IGF1R: variants seen among roughly 807,000 people sequenced by gnomAD.
IGF1R encodes the protein insulin-like growth factor 1 receptor.
Under a neutral mutation model 144.6 loss-of-function variants are expected in IGF1R, and 44 were observed. That is an observed-to-expected ratio of 0.30 (90% CI 0.24 to 0.39). The LOEUF is 0.39. Ranked by LOEUF, IGF1R falls within the 10% of genes least tolerant of loss-of-function variation. IGF1R has a pLI of 1.00. For synonymous variants in IGF1R, 795 were observed against 722.8 expected, an observed-to-expected ratio of 1.10 and a Z score of -1.60; for missense variants, 1,355 against 1,833.7, an observed-to-expected ratio of 0.74 and a Z score of 4.77.
intron 2 of IGF1R, among the ~76,000 whole-genome samples, chr15:98,776,599 C>G (rs1157388198): frequency 6.6e-6 from 1 of 152,182 alleles, no homozygotes; most frequent in Non-Finnish European, 1.5e-5. Context: ...CCCCTACCTC[C>G]CTGTTGAGCC....
chr15:98,909,490 C>T (rs2014904887), intron 6 of IGF1R, among the ~76,000 whole-genome samples: 1 of 152,050 alleles, frequency 6.6e-6, no homozygotes, highest in African/African-American at 2.4e-5. Flanking sequence ...AACTCCTGAC[C>T]TCAAATGATC....
rs1371490898 is a variant in IGF1R at position 98,704,979 on chromosome 15, T to A, written c.95-2583T>A. ...CTCAGAGAATGAGAGTGCTGCAGTT[T>A]ACAAGCTTGGAAGGTGGATTATGTG... is the stretch of plus-strand genomic sequence containing the variant. On this transcript the variant is annotated intron_variant, in intron 1 of 20. Coordinates refer to ENST00000650285, the MANE Select transcript of IGF1R (RefSeq NM_000875.5). The surrounding 1 kb of genome is among the most constrained non-coding windows in gnomAD (Gnocchi z 4.9). 6.6e-6 allele frequency among the ~76,000 whole-genome samples: 1 copy of A among 152,172 alleles called. No individual in the cohort carries two copies. Among genetic ancestry groups the A allele is most frequent in the South Asian group, 2.1e-4 (1 of 4,828 alleles).
rs45561034 is a variant in IGF1R, at chr15:98,957,470, G to A, written c.*28G>A. The stretch of plus-strand genomic sequence containing the variant: ...CTTGGATCCTGAATCTGTGCAAACA[G>A]TAACGTGTGCGCACGCGCAGCGGGG... On this transcript the variant is annotated 3_prime_UTR_variant, in exon 21 of 21. Coordinates refer to ENST00000650285, the MANE Select transcript of IGF1R (RefSeq NM_000875.5). 4.8e-5 allele frequency: 77 copies of A among 1,612,132 alleles called. 1 individual carries two copies. In the South Asian group the frequency reaches 8.2e-4, roughly 17 times the overall value.
chr15:98,803,638 C>T (rs937231822), intron 2 of IGF1R, among the ~76,000 whole-genome samples: 25 of 151,878 alleles, frequency 1.6e-4, no homozygotes, highest in African/African-American at 5.6e-4. Context: ...CCTGAGTAGC[C>T]GGGACTAGAC....
At chr15:98,801,614 C>T (rs1211442317) in intron 2 of IGF1R, among the ~76,000 whole-genome samples, 4 of 152,230 alleles carry the variant, frequency 2.6e-5, no homozygotes, top group African/African-American at 7.2e-5. Context: ...ACAATGATTT[C>T]CCCAAATTGG....
At chr15:98,867,169 G>C (rs1487237811) in intron 2 of IGF1R, among the ~76,000 whole-genome samples, 1 of 151,896 alleles carries the variant, frequency 6.6e-6, no homozygotes. Context: ...GAGAGAGAGA[G>C]AGAGAGAGAG....
chr15:98,763,199 A>AG (rs2055350886), intron 2 of IGF1R, among the ~76,000 whole-genome samples: 2 of 152,234 alleles, frequency 1.3e-5, no homozygotes, highest in Non-Finnish European at 2.9e-5. Flanking sequence ...TGTAAATGCC[A>AG]TTTTGATAAG....
chr15:98,848,121 T>C (rs1366984529), intron 2 of IGF1R, among the ~76,000 whole-genome samples: 1 of 152,218 alleles, frequency 6.6e-6, no homozygotes, highest in Non-Finnish European at 1.5e-5. Flanking sequence ...GCAAGTCCTT[T>C]CTGAAAGAGG....
intron 1 of IGF1R, among the ~76,000 whole-genome samples, chr15:98,706,134 T>TC (rs1330364560): frequency 6.6e-6 from 1 of 152,246 alleles, no homozygotes; most frequent in Non-Finnish European, 1.5e-5. Flanking sequence ...TGCACACCAC[T>TC]GACCACCTGC....
intron 1 of IGF1R, among the ~76,000 whole-genome samples, chr15:98,670,853 G>C (rs2052871053): frequency 1.3e-5 from 2 of 151,852 alleles, no homozygotes; most frequent in South Asian, 4.2e-4. Flanking sequence ...TTTTAAACCT[G>C]TCATCTCACA....
In IGF1R at chr15:98,733,315, G is replaced by A. The variant is rs142533399; in HGVS notation, c.640+25208G>A. 1.3e-3 allele frequency among the ~76,000 whole-genome samples: 195 copies of A among 152,094 alleles called. 1 individual carries two copies. Among genetic ancestry groups the A allele is most frequent in the African/African-American group, 3.9e-3 (160 of 41,488 alleles). ...TTGCAGCCTCAGCCTCCTGCCTCTGGGCTCAAGTGATCCTTCTGCCTCAGC... is the reference window on the plus strand; with the variant it reads ...TTGCAGCCTCAGCCTCCTGCCTCTGAGCTCAAGTGATCCTTCTGCCTCAGC... On this transcript the variant is annotated intron_variant, in intron 2 of 20. Coordinates refer to ENST00000650285, the MANE Select transcript of IGF1R (RefSeq NM_000875.5).
chr15:98,780,126 C>G (rs542565925), intron 2 of IGF1R, among the ~76,000 whole-genome samples: 1 of 149,818 alleles, frequency 6.7e-6, no homozygotes, highest in Middle Eastern at 3.4e-3. Flanking sequence ...AACAAACATT[C>G]GCATTTATTG....
intron 5 of IGF1R, among the ~76,000 whole-genome samples, chr15:98,905,365 ATAAG>A (rs1340530285): frequency 6.6e-6 from 1 of 152,174 alleles, no homozygotes; most frequent in Non-Finnish European, 1.5e-5. Context: ...CTAAAGAAAA[ATAAG>A]TAACTGGTCA....
intron 2 of IGF1R, among the ~76,000 whole-genome samples, chr15:98,841,102 C>T (rs1019624686): frequency 6.6e-6 from 1 of 152,168 alleles, no homozygotes; most frequent in Non-Finnish European, 1.5e-5. Flanking sequence ...TGTTGAAAAA[C>T]AATCTTACTG....
chr15:98,935,879 C>T lies in IGF1R; in HGVS notation c.3297+453C>T, dbSNP rs1486900331. ...CTGTTGTTGGAGTGTGTCCCCCCTC[C>T]ACCCCGTTGTGTTTAGCTTTTCATC... On this transcript the variant is annotated intron_variant, in intron 17 of 20. Coordinates refer to ENST00000650285, the MANE Select transcript of IGF1R (RefSeq NM_000875.5). This position sits in a 1 kb window ranked among gnomAD's most constrained non-coding sequence, Gnocchi z 4.2. 6.6e-6 allele frequency among the ~76,000 whole-genome samples: 1 copy of T among 152,120 alleles called. No homozygotes were observed. Among genetic ancestry groups the T allele is most frequent in the Non-Finnish European group, 1.5e-5 (1 of 68,016 alleles).
At chr15:98,828,792 T>C (rs1460621550) in intron 2 of IGF1R, among the ~76,000 whole-genome samples, 3 of 151,610 alleles carry the variant, frequency 2.0e-5, no homozygotes, top group African/African-American at 4.8e-5. Context: ...TTTTTTTTTT[T>C]TCCTATTTTG....
At chr15:98,843,236 A>C (rs1351585385) in intron 2 of IGF1R, among the ~76,000 whole-genome samples, 1 of 152,168 alleles carries the variant, frequency 6.6e-6, no homozygotes, top group Non-Finnish European at 1.5e-5. Context: ...TTTTTTCCCC[A>C]GAAAGTTAGA....
chr15:98,850,644 G>A (rs1424810877), intron 2 of IGF1R, among the ~76,000 whole-genome samples: 2 of 152,200 alleles, frequency 1.3e-5, no homozygotes, highest in African/African-American at 2.4e-5. Context: ...GCCAAGAAGA[G>A]AAGTCAGAAA....
chr15:98,657,846 A>G (rs568098815), intron 1 of IGF1R, among the ~76,000 whole-genome samples: 1 of 152,294 alleles, frequency 6.6e-6, no homozygotes, highest in African/African-American at 2.4e-5. Flanking sequence ...AGACTCATTA[A>G]TTGAATGTTG....
Sources: allele counts gnomAD v4.1 joint callset (sites outside exome capture counted in the v4.1 genomes callset), GRCh38; gene constraint gnomAD v4.1.1; non-coding constraint Gnocchi (gnomAD v3.1); transcripts MANE v1.5; gene names NCBI Gene and HGNC (gene_info 2026-07-23, HGNC 2026-07-21).